ADAM12: variants seen among roughly 807,000 people sequenced by gnomAD.
The protein encoded by ADAM12 is disintegrin and metalloproteinase domain-containing protein 12.
A neutral mutation model predicts 106.4 loss-of-function variants in ADAM12; 70 were observed. That is an observed-to-expected ratio of 0.66 (90% CI 0.54 to 0.80). The LOEUF (loss-of-function observed/expected upper bound fraction) is 0.80, where lower values mean the gene tolerates loss of function less well. ADAM12 is among the 30% of genes least tolerant of loss of function. ADAM12 has a pLI of 0.00. For synonymous variants in ADAM12, 420 were observed against 433.5 expected (o/e 0.97, Z 0.39); for missense variants, 1,010 against 1,171.9 (o/e 0.86, Z 2.02).
intron 2 of ADAM12, among the ~76,000 whole-genome samples, chr10:126,317,335 ACT>A (rs1564729248): frequency 6.6e-6 from 1 of 152,146 alleles, no homozygotes; most frequent in Non-Finnish European, 1.5e-5. Flanking sequence ...GCTCTCACCA[ACT>A]CTGTTTTGGG....
intron 11 of ADAM12, among the ~76,000 whole-genome samples, chr10:126,076,185 C>G (rs1423598859): frequency 6.6e-6 from 1 of 152,198 alleles, no homozygotes; most frequent in Non-Finnish European, 1.5e-5. Context: ...TGGTATTTGA[C>G]TTGCTATTCT....
chr10:126,302,252 C>T (rs906123224), intron 2 of ADAM12, among the ~76,000 whole-genome samples: 1 of 152,192 alleles, frequency 6.6e-6, no homozygotes, highest in African/African-American at 2.4e-5. Context: ...CAAGTTAAGC[C>T]TTCAGCCTTT....
chr10:126,054,595 T>C lies in ADAM12; in HGVS notation c.1610-4926A>G, dbSNP rs185098686. ...ATTGCCCCCTCCTGTCTGACTGATC[T>C]ACTCAGTAACCATGCTTCAGAGTTG... On this transcript the variant is annotated intron_variant, in intron 14 of 22. Transcript: ENST00000448723. 5.8e-4 allele frequency among the ~76,000 whole-genome samples: 89 copies of C among 152,372 alleles called. No homozygotes were observed. In the Middle Eastern group the frequency reaches 0.024, roughly 41 times the overall value.
intron 1 of ADAM12, among the ~76,000 whole-genome samples, chr10:126,367,054 A>G (rs1855936002): frequency 6.6e-6 from 1 of 151,288 alleles, no homozygotes; most frequent in South Asian, 2.1e-4. Context: ...ATGAGATTTG[A>G]TAACACCATC....
chr10:126,316,208 T>A (rs1243652253), intron 2 of ADAM12, among the ~76,000 whole-genome samples: 2 of 152,182 alleles, frequency 1.3e-5, no homozygotes, highest in African/African-American at 4.8e-5. Context: ...TGAAATGAAA[T>A]GGCCAGTTTT....
intron 4 of ADAM12, among the ~76,000 whole-genome samples, chr10:126,144,878 G>A (rs1226568854): frequency 6.6e-6 from 1 of 152,124 alleles, no homozygotes; most frequent in Non-Finnish European, 1.5e-5. Flanking sequence ...CTGTTTCATC[G>A]TCACATCCCA....
chr10:126,038,463 C>G, intron 19 of ADAM12, 114 bp from the exon 20 acceptor site: 1 of 747,524 alleles, frequency 1.3e-6, no homozygotes, highest in Non-Finnish European at 2.1e-6. Flanking sequence ...ACTCAGTGTG[C>G]TAAACATGCA....
At chr10:126,320,059 G>A (rs1029275536) in intron 2 of ADAM12, among the ~76,000 whole-genome samples, 2 of 152,156 alleles carry the variant, frequency 1.3e-5, no homozygotes, top group Non-Finnish European at 1.5e-5. Context: ...GAAAACCTTC[G>A]CTATTACAAA....
chr10:126,335,006 G>C (rs143949980), intron 1 of ADAM12, among the ~76,000 whole-genome samples: 27 of 152,262 alleles, frequency 1.8e-4, no homozygotes, highest in African/African-American at 6.0e-4. Context: ...TGAGGTTAAG[G>C]GAGCTCAAAT....
chr10:126,196,772 T>C (rs1189721937), intron 3 of ADAM12, among the ~76,000 whole-genome samples: 1 of 149,432 alleles, frequency 6.7e-6, no homozygotes, highest in African/African-American at 2.6e-5. Flanking sequence ...GTGGGTGAGA[T>C]TATGAATACT....
intron 1 of ADAM12, among the ~76,000 whole-genome samples, chr10:126,386,154 G>A (rs769008391): frequency 1.3e-5 from 2 of 152,122 alleles, no homozygotes; most frequent in African/African-American, 4.8e-5. Flanking sequence ...AGAGGAGGTT[G>A]TTACTGGGTT....
At chr10:126,146,595 C>T (rs1189552653) in intron 4 of ADAM12, among the ~76,000 whole-genome samples, 2 of 152,180 alleles carry the variant, frequency 1.3e-5, no homozygotes, top group East Asian at 3.9e-4. Context: ...TTCACTGCAA[C>T]CTTGGCATTA....
chr10:126,210,428 G>C (rs1019920260), intron 3 of ADAM12, among the ~76,000 whole-genome samples: 2 of 152,160 alleles, frequency 1.3e-5, no homozygotes, highest in African/African-American at 2.4e-5. Context: ...CCCGACCCTG[G>C]CAGGTCCCAA....
rs1355170145 is a variant in ADAM12, at chr10:126,109,811, C to G, written c.633G>C (p.Lys211Asn). ...RHKRETLKAT[K>N]YVELVIVADN... ...CTGCCACGATCACCAGCTCCACATA[C>G]TTAGTTGCCTTGAGGGTCTCTCTTT... is the stretch of plus-strand genomic sequence containing the variant. Residue 211 changes from lysine to asparagine, a missense_variant, in exon 7 of 23, where the codon AAG becomes AAC. Physicochemically the swap from Lys to Asn is moderately conservative, Grantham distance 94. Transcript: ENST00000448723. The G allele has an allele frequency of 6.2e-7, 1 of 1,613,038 alleles. No individual in the cohort carries two copies. The highest frequency in any genetic ancestry group is 1.3e-5 in the African/African-American group (1 of 74,904).
At chr10:126,203,588 C>T (rs79764059) in intron 3 of ADAM12, among the ~76,000 whole-genome samples, 2,891 of 152,180 alleles carry the variant, frequency 0.019, 117 homozygotes, top group East Asian at 0.18. Context: ...CATCAAATAC[C>T]ATTTTACTGA....
intron 3 of ADAM12, among the ~76,000 whole-genome samples, chr10:126,260,102 T>TCCATACACATTA (rs908014261): frequency 1.3e-5 from 2 of 152,278 alleles, no homozygotes; most frequent in African/African-American, 2.4e-5. Context: ...CAGCATTTCT[T>TCCATACACATTA]CCATACACAT....
intron 2 of ADAM12, among the ~76,000 whole-genome samples, chr10:126,323,043 C>T (rs1854161473): frequency 6.6e-6 from 1 of 152,094 alleles, no homozygotes; most frequent in Non-Finnish European, 1.5e-5. Context: ...ACAGACCATA[C>T]CCAGGAACCC....
intron 3 of ADAM12, among the ~76,000 whole-genome samples, chr10:126,204,863 C>T (rs915960033): frequency 3.3e-5 from 5 of 152,168 alleles, no homozygotes; most frequent in Admixed American, 1.3e-4. Flanking sequence ...TTTGTCACAA[C>T]TACCCAACTC....
At chr10:126,384,592 G>GA (rs925412351) in intron 1 of ADAM12, among the ~76,000 whole-genome samples, 46 of 149,292 alleles carry the variant, frequency 3.1e-4, no homozygotes, top group Admixed American at 6.0e-4. Flanking sequence ...ATGACATCAG[G>GA]AAAAAAAAAA....
Sources: gnomAD v4.1 joint callset for allele counts (sites outside exome capture counted in the v4.1 genomes callset) on GRCh38, gnomAD v4.1.1 for gene constraint, MANE v1.5 for transcripts, NCBI Gene and HGNC (gene_info 2026-07-23, HGNC 2026-07-21) for gene names.